Variants in FAM241A observed in about 807,000 individuals in gnomAD.
FAM241A encodes family with sequence similarity 241 member A.
A neutral mutation model predicts 12.2 loss-of-function variants in FAM241A; 7 were observed. The ratio of observed to expected loss-of-function variants is 0.58; its 90% CI spans 0.33 to 1.08. The LOEUF (loss-of-function observed/expected upper bound fraction) is 1.08. Among genes scored for constraint, FAM241A ranks in the 50% least tolerant of loss-of-function variants. FAM241A has a pLI of 0.04. For missense variants in FAM241A, 161 were observed against 169.7 expected (o/e 0.95, Z 0.29); for synonymous variants, 74 against 68.2 (o/e 1.08, Z -0.42).
intron 1 of FAM241A, among the ~76,000 whole-genome samples, chr4:112,156,356 A>G (rs1375098327): frequency 2.0e-5 from 3 of 151,860 alleles, no homozygotes; most frequent in Admixed American, 2.0e-4. Flanking sequence ...AGAACCTCCC[A>G]CCCCATAATC....
rs1473498327 is a variant in FAM241A, at chr4:112,191,245, TATA to T, written c.*4310_*4312del. ...ACCAAATCTATTTTACTTCTAAAAA[TATA>T]ATCTTTCTACTTCTATTCATTCCTA... On this transcript the variant is annotated 3_prime_UTR_variant, in exon 2 of 2. Transcript: ENST00000309733. 6.6e-6 allele frequency: 1 copy of T among 152,210 alleles called. No homozygotes were observed. Among genetic ancestry groups the T allele is most frequent in the Non-Finnish European group, 1.5e-5 (1 of 68,026 alleles). 9.4% of individuals were successfully genotyped at this position (152,210 alleles called of 1,614,324 possible). A position where few individuals can be genotyped will look rare whatever the true frequency, so the allele number is the denominator to read the frequency against.
At position 112,193,200 on chromosome 4, in the gene FAM241A, T is replaced by C. The variant is rs1724200942; in HGVS notation, c.*6262T>C. ...CCCACTTTTTGATGGGGTTGTTTGT[T>C]TTTTTCTTGTAAATTTGTTTGAGTT... On this transcript the variant is annotated 3_prime_UTR_variant, in exon 2 of 2. Transcript: ENST00000309733. The C allele has an allele frequency of 6.6e-6, 1 of 151,490 alleles. No homozygotes were observed. Among genetic ancestry groups the C allele is most frequent in the Non-Finnish European group, 1.5e-5 (1 of 67,704 alleles). 9.4% of individuals were successfully genotyped at this position (151,490 alleles called of 1,614,324 possible). A position where few individuals can be genotyped will look rare whatever the true frequency, so the allele number is the denominator to read the frequency against.
chr4:112,159,027 A>G (rs1420214883), intron 1 of FAM241A, among the ~76,000 whole-genome samples: 1 of 152,140 alleles, frequency 6.6e-6, no homozygotes, highest in Non-Finnish European at 1.5e-5. Context: ...TCTCCAAAAA[A>G]TCAACCTTTT....
Position 112,186,789 on chromosome 4 carries a change from A to G in FAM241A, c.250A>G (p.Asn84Asp). 6.2e-7 allele frequency: 1 copy of G among 1,614,098 alleles called. No individual in the cohort carries two copies. Among genetic ancestry groups the G allele is most frequent in the Non-Finnish European group, 8.5e-7 (1 of 1,180,002 alleles). ...LFGELNKNLI[N>D]MGFTRMYFGE... ...TGGTGAACTGAACAAAAACCTTATC[A>G]ACATGGGCTTCACAAGGATGTATTT... Residue 84 changes from asparagine (N) to aspartate (D), a missense_variant, in exon 2 of 2, where the codon AAC becomes GAC. Transcript: ENST00000309733.
chr4:112,171,322 AG>A (rs1723715111), intron 1 of FAM241A: 1 of 753,896 alleles, frequency 1.3e-6, no homozygotes, highest in East Asian at 2.5e-5. Flanking sequence ...CTGTATGCCC[AG>A]GGAAAGCGGT....
chr4:112,158,966 T>TC (rs1285443942), intron 1 of FAM241A, among the ~76,000 whole-genome samples: 2 of 152,078 alleles, frequency 1.3e-5, no homozygotes, highest in Non-Finnish European at 2.9e-5. Flanking sequence ...TCACCCCTTT[T>TC]CCCCCCATAC....
At chr4:112,149,907 T>C (rs1051219877) in intron 1 of FAM241A, among the ~76,000 whole-genome samples, 1 of 152,132 alleles carries the variant, frequency 6.6e-6, no homozygotes, top group Admixed American at 6.5e-5. Flanking sequence ...TTTATAATTT[T>C]ATTTATGTTT....
At chr4:112,147,094 A>G (rs949290824) in intron 1 of FAM241A, among the ~76,000 whole-genome samples, 1 of 152,242 alleles carries the variant, frequency 6.6e-6, no homozygotes, top group African/African-American at 2.4e-5. Flanking sequence ...GGAGCATATA[A>G]AAATACTTCA....
intron 1 of FAM241A, among the ~76,000 whole-genome samples, chr4:112,168,816 C>T (rs1208541430): frequency 6.6e-6 from 1 of 152,044 alleles, no homozygotes; most frequent in Non-Finnish European, 1.5e-5. Flanking sequence ...AGGTGTGCAC[C>T]CCCACACCCA....
intron 1 of FAM241A, among the ~76,000 whole-genome samples, chr4:112,179,620 A>G (rs1399236574): frequency 6.6e-6 from 1 of 151,964 alleles, no homozygotes; most frequent in Non-Finnish European, 1.5e-5. Flanking sequence ...TGACGAGTTA[A>G]TGGGTGCAGC....
At chr4:112,146,321 G>GT (rs1723137399) in intron 1 of FAM241A, among the ~76,000 whole-genome samples, 1 of 152,182 alleles carries the variant, frequency 6.6e-6, no homozygotes, top group African/African-American at 2.4e-5. Context: ...CAAAGCTTCA[G>GT]TTAAAAAGTG....
At chr4:112,145,756 G>A in intron 1 of FAM241A, 23 bp downstream of exon 1, 7 of 1,166,726 alleles carry the variant, frequency 6.0e-6, no homozygotes, top group Non-Finnish European at 7.4e-6. Flanking sequence ...AGGGGCGGCG[G>A]CGAAGCGGCC....
At chr4:112,181,970 C>T (rs1003700952) in intron 1 of FAM241A, among the ~76,000 whole-genome samples, 1 of 152,120 alleles carries the variant, frequency 6.6e-6, no homozygotes. Context: ...TGGACTTGTG[C>T]AGTAGCAGTG....
chr4:112,153,915 T>C (rs997215457), intron 1 of FAM241A, among the ~76,000 whole-genome samples: 16 of 152,228 alleles, frequency 1.1e-4, no homozygotes, highest in Non-Finnish European at 2.1e-4. Context: ...ACAGTATTTA[T>C]TTTCATGTAA....
At chr4:112,179,889 A>G (rs1296518911) in intron 1 of FAM241A, among the ~76,000 whole-genome samples, 1 of 140,550 alleles carries the variant, frequency 7.1e-6, no homozygotes, top group Non-Finnish European at 1.5e-5. Flanking sequence ...GTGCCCATCA[A>G]TGGTGGATTG....
chr4:112,189,001 A>G lies in FAM241A; in HGVS notation c.*2063A>G, dbSNP rs974709021. ...AACAAACTTTGCCTATGTAATGGAAATAAAATATTTTCTTTTATGAAATAT... is the reference window on the plus strand; with the variant it reads ...AACAAACTTTGCCTATGTAATGGAAGTAAAATATTTTCTTTTATGAAATAT... On this transcript the variant is annotated 3_prime_UTR_variant, in exon 2 of 2. Coordinates refer to ENST00000309733, the MANE Select transcript of FAM241A (RefSeq NM_152400.3). The G allele has an allele frequency of 5.3e-5, 8 of 152,204 alleles. No homozygotes were observed. The highest frequency in any genetic ancestry group is 1.9e-4 in the African/African-American group (8 of 41,454). The allele number at this position is 152,204 out of a possible 1,614,324, so 9.4% of individuals were successfully genotyped here.
intron 1 of FAM241A, among the ~76,000 whole-genome samples, chr4:112,174,774 C>G (rs1432931226): frequency 6.6e-6 from 1 of 152,160 alleles, no homozygotes; most frequent in Non-Finnish European, 1.5e-5. Context: ...AAAGCATTCT[C>G]CATGCTGTAC....
intron 1 of FAM241A, among the ~76,000 whole-genome samples, chr4:112,177,521 C>G (rs1321103024): frequency 6.6e-6 from 1 of 152,064 alleles, no homozygotes; most frequent in Non-Finnish European, 1.5e-5. Flanking sequence ...TCCTCTTAAA[C>G]TTTACAGTTT....
intron 1 of FAM241A, among the ~76,000 whole-genome samples, chr4:112,171,871 C>T (rs913576752): frequency 6.6e-6 from 1 of 150,608 alleles, no homozygotes; most frequent in African/African-American, 2.4e-5. Context: ...AAAACAAAAA[C>T]AAAAACAAAA....
Sources: allele counts gnomAD v4.1 joint callset (sites outside exome capture counted in the v4.1 genomes callset), GRCh38; gene constraint gnomAD v4.1.1; transcripts MANE v1.5; gene names NCBI Gene and HGNC (gene_info 2026-07-23, HGNC 2026-07-21).